Variants in THSD4 observed in about 807,000 individuals in gnomAD.
THSD4 encodes thrombospondin type-1 domain-containing protein 4.
A neutral mutation model predicts 119.0 loss-of-function variants in THSD4; 69 were observed. The ratio of observed to expected loss-of-function variants is 0.58; its 90% CI spans 0.48 to 0.71. THSD4 has a LOEUF of 0.71. Ranked by LOEUF, THSD4 falls within the 30% of genes least tolerant of loss-of-function variation. The pLI, the probability that THSD4 is intolerant of heterozygous loss-of-function variation, is 0.00. For synonymous variants in THSD4, 524 were observed against 540.4 expected, an observed-to-expected ratio of 0.97 and a Z score of 0.42; for missense variants, 1,393 against 1,391.1, an observed-to-expected ratio of 1.00 and a Z score of -0.02.
At chr15:71,681,417 C>T (rs1213630259) in intron 8 of THSD4, among the ~76,000 whole-genome samples, 1 of 151,840 alleles carries the variant, frequency 6.6e-6, no homozygotes, top group African/African-American at 2.4e-5. Flanking sequence ...TGGCTCATGC[C>T]TGTAATTCCA....
At chr15:71,594,301 C>T (rs555237499) in intron 7 of THSD4, among the ~76,000 whole-genome samples, 7 of 152,140 alleles carry the variant, frequency 4.6e-5, no homozygotes, top group East Asian at 3.9e-4. Context: ...CTCCAACTCC[C>T]GGGTTCAAAC....
At chr15:71,428,163 G>A (rs1184995251) in intron 7 of THSD4, among the ~76,000 whole-genome samples, 2 of 152,182 alleles carry the variant, frequency 1.3e-5, no homozygotes, top group Non-Finnish European at 2.9e-5. Context: ...CCTAAGCACA[G>A]TCTAGAAGCA....
At chr15:71,698,241 A>G (rs2052208064) in intron 8 of THSD4, among the ~76,000 whole-genome samples, 1 of 152,224 alleles carries the variant, frequency 6.6e-6, no homozygotes, top group South Asian at 2.1e-4. Context: ...AAGGTTAAAC[A>G]ACCATCTGGA....
intron 8 of THSD4, among the ~76,000 whole-genome samples, chr15:71,662,729 A>G (rs2051335725): frequency 6.6e-6 from 1 of 152,174 alleles, no homozygotes; most frequent in South Asian, 2.1e-4. Context: ...TGTTGTTTTC[A>G]TCTGGAGTAT....
intron 15 of THSD4, among the ~76,000 whole-genome samples, chr15:71,763,929 G>T (rs938890473): frequency 6.6e-6 from 1 of 152,014 alleles, no homozygotes; most frequent in African/African-American, 2.4e-5. Context: ...AGCCAGGTGT[G>T]GTGACATATG....
chr15:71,326,319 G>A (rs1042994520), intron 6 of THSD4, among the ~76,000 whole-genome samples: 1 of 152,050 alleles, frequency 6.6e-6, no homozygotes, highest in Non-Finnish European at 1.5e-5. Context: ...GAGTGTTGCT[G>A]GTCCAGAGTG....
At position 71,547,185 on chromosome 15, in the gene THSD4, C is replaced by A. The variant is rs923976166; in HGVS notation, c.1153-113345C>A. 24 of 1,317,194 alleles carry A rather than the reference C, an allele frequency of 1.8e-5. No individual in the cohort carries two copies. The Admixed American group carries it at 8.4e-4, about 46-fold the overall frequency. 81.6% of individuals were successfully genotyped at this position (1,317,194 alleles called of 1,614,324 possible). The stretch of plus-strand genomic sequence containing the variant: ...CTCCCAGCTGGCTCCTGTCCCCTCC[C>A]CCAGCCGGGAGAAGTTATTACATGA... On this transcript the variant is annotated intron_variant, in intron 7 of 17. Transcript: ENST00000261862.
At chr15:71,313,895 A>C (rs1410978613) in intron 6 of THSD4, among the ~76,000 whole-genome samples, 2 of 152,200 alleles carry the variant, frequency 1.3e-5, no homozygotes, top group African/African-American at 2.4e-5. Flanking sequence ...TAGTTAGAAA[A>C]AAACACAGCA....
rs1366167466 is a variant in THSD4, at chr15:71,421,074, G to A, written c.1152+9251G>A. ...TTCTAGCTACTCAGGCATGAAAACTGCCTGAGTTCAGGAGGCAGAAGTTGT... is the reference window on the plus strand; with the variant it reads ...TTCTAGCTACTCAGGCATGAAAACTACCTGAGTTCAGGAGGCAGAAGTTGT... On this transcript the variant is annotated intron_variant, in intron 7 of 17. Coordinates refer to ENST00000261862, the MANE Select transcript of THSD4 (RefSeq NM_024817.3). Among the ~76,000 whole-genome samples the A allele has an allele frequency of 2.3e-5, 2 of 86,332 alleles. 1 individual carries two copies. Among genetic ancestry groups the A allele is most frequent in the Non-Finnish European group, 4.6e-5 (2 of 43,060 alleles). 56.6% of individuals were successfully genotyped at this position (86,332 alleles called of 152,430 possible).
rs538903937 is a variant in THSD4 at position 71,452,928 on chromosome 15, A to G, written c.1152+41105A>G. On this transcript the variant is annotated intron_variant, in intron 7 of 17. Coordinates refer to ENST00000261862, the MANE Select transcript of THSD4 (RefSeq NM_024817.3). ...CTGCACCTGGCCAGGAGGCAGTTAA[A>G]TTTAGATGAGGTCATGAGGATAGGG... is the stretch of plus-strand genomic sequence containing the variant. Among the ~76,000 whole-genome samples, 15 of 152,248 alleles carry G rather than the reference A, an allele frequency of 9.9e-5. No homozygotes were observed. In the South Asian group the frequency reaches 2.9e-3, roughly 30 times the overall value.
chr15:71,332,699 T>A (rs1227063658), intron 6 of THSD4, among the ~76,000 whole-genome samples: 2 of 152,016 alleles, frequency 1.3e-5, no homozygotes, highest in Non-Finnish European at 2.9e-5. Context: ...CAGACGTCTC[T>A]CTCTCTCTTT....
chr15:71,706,472 G>T (rs872475), intron 8 of THSD4, among the ~76,000 whole-genome samples: 1 of 152,200 alleles, frequency 6.6e-6, no homozygotes, highest in African/African-American at 2.4e-5. Flanking sequence ...CAGGACAAAA[G>T]ATATAAATTG....
chr15:71,690,464 A>C (rs1240308941), intron 8 of THSD4, among the ~76,000 whole-genome samples: 1 of 152,180 alleles, frequency 6.6e-6, no homozygotes, highest in Non-Finnish European at 1.5e-5. Flanking sequence ...TGGGGACCTG[A>C]GATGGCAAGG....
At chr15:71,727,545 AAAAAAAAAATATATATATATAT>A (rs762624663) in intron 8 of THSD4, among the ~76,000 whole-genome samples, 16 of 97,672 alleles carry the variant, frequency 1.6e-4, no homozygotes, top group East Asian at 4.9e-4. Flanking sequence ...AAAAAAAAAA[AAAAAAAAAATATATATATATAT>A]ATATATATAT....
At chr15:71,773,495 A>G (rs748739046) in intron 17 of THSD4, among the ~76,000 whole-genome samples, 1 of 152,246 alleles carries the variant, frequency 6.6e-6, no homozygotes, top group Non-Finnish European at 1.5e-5. Context: ...CTTTTCAAGC[A>G]GGGGAAATTG....
chr15:71,408,478 C>T (rs1178035016), intron 6 of THSD4, among the ~76,000 whole-genome samples: 1 of 152,142 alleles, frequency 6.6e-6, no homozygotes, highest in Non-Finnish European at 1.5e-5. Context: ...AGCAATCCTC[C>T]TGCTTCAGCC....
intron 7 of THSD4, among the ~76,000 whole-genome samples, chr15:71,564,482 T>G (rs1038338766): frequency 1.3e-5 from 2 of 152,102 alleles, no homozygotes; most frequent in African/African-American, 4.8e-5. Context: ...GGAGGTAAAC[T>G]TCTCAGGCAG....
intron 3 of THSD4, among the ~76,000 whole-genome samples, chr15:71,214,336 G>A (rs1219438407): frequency 6.6e-6 from 1 of 152,158 alleles, no homozygotes; most frequent in Non-Finnish European, 1.5e-5. Flanking sequence ...TTGTTCTTTT[G>A]CTCGTCATAG....
At chr15:71,420,921 TC>T (rs1442806895) in intron 7 of THSD4, among the ~76,000 whole-genome samples, 2 of 104,812 alleles carry the variant, frequency 1.9e-5, no homozygotes, top group African/African-American at 3.3e-5. Flanking sequence ...GTGCAGTGGC[TC>T]ACACCTGTAA....
Sources: gnomAD v4.1 joint callset for allele counts (sites outside exome capture counted in the v4.1 genomes callset) on GRCh38, gnomAD v4.1.1 for gene constraint, MANE v1.5 for transcripts, NCBI Gene and HGNC (gene_info 2026-07-23, HGNC 2026-07-21) for gene names.